MYSM1: variants seen among roughly 807,000 people sequenced by gnomAD.
The protein encoded by MYSM1 is Myb like, SWIRM and MPN domains 1, also known as deubiquitinase MYSM1.
A neutral mutation model predicts 116.0 loss-of-function variants in MYSM1; 51 were observed. The ratio of observed to expected loss-of-function variants is 0.44; its 90% CI spans 0.35 to 0.56. The LOEUF is 0.56. Among genes scored for constraint, MYSM1 ranks in the 20% least tolerant of loss-of-function variants. The pLI, the probability that MYSM1 is intolerant of heterozygous loss-of-function variation, is 0.00. For synonymous variants in MYSM1, 313 were observed against 315.2 expected, an observed-to-expected ratio of 0.99 and a Z score of 0.07; for missense variants, 900 against 974.9, an observed-to-expected ratio of 0.92 and a Z score of 1.02.
chr1:58,662,316 G>A lies in MYSM1; in HGVS notation c.2165-805C>T, dbSNP rs1644405030. 2.6e-5 allele frequency among the ~76,000 whole-genome samples: 4 copies of A among 152,108 alleles called. No homozygotes were observed. The South Asian group carries it at 8.3e-4, about 32-fold the overall frequency. ...TATCCTTCAAGACCCCCATGCAAAT[G>A]CATCTATAGCATTTTTTTAAAAGCT... On this transcript the variant is annotated intron_variant, in intron 17 of 19. Transcript: ENST00000472487.
At chr1:58,662,867 G>C (rs1433128565) in intron 17 of MYSM1, among the ~76,000 whole-genome samples, 1 of 151,816 alleles carries the variant, frequency 6.6e-6, no homozygotes, top group African/African-American at 2.4e-5. Context: ...ATAGTACACG[G>C]GGTATTAAGC....
At chr1:58,664,668 C>T (rs1398668772) in intron 17 of MYSM1, among the ~76,000 whole-genome samples, 6 of 152,252 alleles carry the variant, frequency 3.9e-5, no homozygotes, top group Middle Eastern at 3.4e-3. Flanking sequence ...AATTATTAAA[C>T]AAATATTCAT....
intron 8 of MYSM1, among the ~76,000 whole-genome samples, chr1:58,678,975 A>T (rs1644696998): frequency 6.6e-6 from 1 of 152,190 alleles, no homozygotes; most frequent in Non-Finnish European, 1.5e-5. Flanking sequence ...ATAAAGTGAG[A>T]ACGAGGTTGT....
At position 58,675,460 on chromosome 1, in the gene MYSM1, G is replaced by A; in HGVS notation, c.1494+17C>T. The stretch of plus-strand genomic sequence containing the variant: ...AGCAGCAATGTGGAGAGATCACTGA[G>A]AGAGATGACTGCTTACCATAGACTG... On this transcript the variant is annotated intron_variant, in intron 10 of 19. Coordinates refer to ENST00000472487, the MANE Select transcript of MYSM1 (RefSeq NM_001085487.3). 6.4e-7 allele frequency: 1 copy of A among 1,574,610 alleles called. No individual in the cohort carries two copies. The highest frequency in any genetic ancestry group is 8.7e-7 in the Non-Finnish European group (1 of 1,147,646).
intron 17 of MYSM1, among the ~76,000 whole-genome samples, chr1:58,662,456 C>CA (rs907278496): frequency 1.2e-4 from 6 of 49,654 alleles, no homozygotes; most frequent in African/African-American, 3.1e-4. Flanking sequence ...CATTATTCAC[C>CA]CCCCCCTTTT....
intron 1 of MYSM1, among the ~76,000 whole-genome samples, chr1:58,696,101 A>C (rs1167113416): frequency 6.6e-6 from 1 of 152,172 alleles, no homozygotes; most frequent in Admixed American, 6.5e-5. Flanking sequence ...AAAAGCAATC[A>C]TTTCTCTCAA....
At chr1:58,694,737 G>C (rs1454155507) in intron 2 of MYSM1, among the ~76,000 whole-genome samples, 1 of 151,810 alleles carries the variant, frequency 6.6e-6, no homozygotes, top group East Asian at 1.9e-4. Flanking sequence ...GGCACAATCA[G>C]AGCTCACTGC....
chr1:58,697,557 A>G (rs985076735), intron 1 of MYSM1, among the ~76,000 whole-genome samples: 2 of 152,170 alleles, frequency 1.3e-5, no homozygotes, highest in African/African-American at 4.8e-5. Context: ...AGAATGAGAC[A>G]GAATGGTAGA....
At chr1:58,669,811 G>C (rs1171586419) in intron 12 of MYSM1, among the ~76,000 whole-genome samples, 1 of 132,150 alleles carries the variant, frequency 7.6e-6, no homozygotes, top group Admixed American at 8.3e-5. Flanking sequence ...ACTCCAGCCT[G>C]GGTGACAGAG....
At chr1:58,692,971 C>A in intron 2 of MYSM1, 40 bp from the exon 3 acceptor site, 3 of 1,480,254 alleles carry the variant, frequency 2.0e-6, no homozygotes, top group Non-Finnish European at 2.8e-6. Context: ...TTATTTATTG[C>A]TTTTTGAAAT....
intron 5 of MYSM1, 31 bp downstream of exon 5, chr1:58,690,195 A>G (rs1427257404): frequency 6.9e-7 from 1 of 1,456,012 alleles, no homozygotes; most frequent in Non-Finnish European, 9.2e-7. Flanking sequence ...TAATGAAAAC[A>G]GATTTATAAA....
rs529622262 is a variant in MYSM1 at position 58,661,219 on chromosome 1, G to A, written c.2279C>T (p.Pro760Leu). The change falls in exon 19 of 20, where the codon CCC (proline) becomes CTC (leucine). Residue 760 changes from proline (P) to leucine (L), a missense_variant. By Grantham distance (98) the Pro-to-Leu change is moderately conservative (BLOSUM62 -3). Transcript: ENST00000472487. ...EKYRLSHSSV[P>L]MDKIFRRDSD... ...ATCCCGGCGAAAGATTTTATCCATG[G>A]GGACGCTGCTGTAGGAAGAAATATG... The A allele has an allele frequency of 1.7e-4, 281 of 1,612,808 alleles. 1 individual carries two copies. The East Asian group carries it at 4.5e-3, about 26-fold the overall frequency.
chr1:58,671,232 G>A (rs11207285), intron 12 of MYSM1, among the ~76,000 whole-genome samples: 34,201 of 152,120 alleles, frequency 0.22, 4,624 homozygotes, highest in Middle Eastern at 0.35. Context: ...TTGTCATGAA[G>A]ACTATATGAG....
At chr1:58,696,626 T>C (rs1254124044) in intron 1 of MYSM1, among the ~76,000 whole-genome samples, 1 of 152,200 alleles carries the variant, frequency 6.6e-6, no homozygotes, top group Admixed American at 6.5e-5. Flanking sequence ...TCTTATATAA[T>C]TTTCCTGGAT....
At chr1:58,680,503 C>G (rs1644722696) in intron 8 of MYSM1, among the ~76,000 whole-genome samples, 1 of 152,200 alleles carries the variant, frequency 6.6e-6, no homozygotes, top group South Asian at 2.1e-4. Context: ...GTACTTTCAG[C>G]ACCTCCACCA....
At position 58,675,634 on chromosome 1, in the gene MYSM1, T is replaced by G. The variant is rs997377454; in HGVS notation, c.1391-54A>C. 8.6e-6 allele frequency: 12 copies of G among 1,394,440 alleles called. No individual in the cohort carries two copies. In the African/African-American group the frequency reaches 1.7e-4, roughly 20 times the overall value. 86.4% of individuals were successfully genotyped at this position (1,394,440 alleles called of 1,614,324 possible). On this transcript the variant is annotated intron_variant, in intron 9 of 19. Transcript: ENST00000472487. ...TCTATTATTTTGTGAAACTCATTTGTTAAACAGTAAGACACATGTACACTG... is the reference window on the plus strand; with the variant it reads ...TCTATTATTTTGTGAAACTCATTTGGTAAACAGTAAGACACATGTACACTG...
At chr1:58,681,010 A>C (rs1464568374) in intron 8 of MYSM1, among the ~76,000 whole-genome samples, 1 of 152,046 alleles carries the variant, frequency 6.6e-6, no homozygotes. Flanking sequence ...AGTTATTTTT[A>C]GAAGGGACAG....
intron 17 of MYSM1, 53 bp from the exon 18 acceptor site, chr1:58,661,564 T>A: frequency 9.9e-7 from 1 of 1,014,462 alleles, no homozygotes; most frequent in Non-Finnish European, 1.5e-6. Flanking sequence ...AACTCTCCAA[T>A]CTCCTTTTAA....
intron 10 of MYSM1, among the ~76,000 whole-genome samples, chr1:58,674,168 A>C (rs1229877311): frequency 6.6e-6 from 1 of 152,090 alleles, no homozygotes; most frequent in East Asian, 1.9e-4. Context: ...TAGGAACAAA[A>C]ATATTTTTAA....
Sources: allele counts gnomAD v4.1 joint callset (sites outside exome capture counted in the v4.1 genomes callset), GRCh38; gene constraint gnomAD v4.1.1; transcripts MANE v1.5; gene names NCBI Gene and HGNC (gene_info 2026-07-23, HGNC 2026-07-21).